Variants in VWA8 observed in about 807,000 individuals in gnomAD.
VWA8 encodes von Willebrand factor A domain containing 8.
In VWA8, 221 loss-of-function variants were observed where a neutral mutation model predicts 241.5. The observed-to-expected ratio is 0.91, with a 90% CI of 0.82 to 1.02. The LOEUF (loss-of-function observed/expected upper bound fraction) is 1.02. VWA8 is among the 50% of genes least tolerant of loss of function. The pLI is 0.00. For synonymous variants in VWA8, 852 were observed against 827.1 expected (o/e 1.03, Z -0.52); for missense variants, 2,322 against 2,328.7 (o/e 1.00, Z 0.06).
chr13:41,819,355 T>A lies in VWA8; in HGVS notation c.1732A>T (p.Ile578Phe). Residue 578 changes from isoleucine to phenylalanine, a missense_variant, in exon 15 of 45, where the codon ATC becomes TTC. Transcript: ENST00000379310. Reference sequence around the variant, plus strand: ...ACAGGGGGTTCTGCCAAGGCAATGATTCTGAAGGAGGGATGGATAGGAAAA... The same window carrying A: ...ACAGGGGGTTCTGCCAAGGCAATGAATCTGAAGGAGGGATGGATAGGAAAA... ...SIFPIHPSFR[I>F]IALAEPPVIG... 1 of 1,609,704 alleles carries A rather than the reference T, an allele frequency of 6.2e-7. No homozygotes were observed. The highest frequency in any genetic ancestry group is 1.3e-5 in the African/African-American group (1 of 74,762).
chr13:41,753,290 A>T (rs952976883), intron 21 of VWA8, among the ~76,000 whole-genome samples: 5 of 152,132 alleles, frequency 3.3e-5, no homozygotes, highest in Non-Finnish European at 7.4e-5. Context: ...TATGAAGGAT[A>T]GCAAATGAAA....
At chr13:41,844,605 C>T (rs1872202029) in intron 12 of VWA8, among the ~76,000 whole-genome samples, 1 of 152,146 alleles carries the variant, frequency 6.6e-6, no homozygotes, top group Admixed American at 6.6e-5. Context: ...CAGACTCCCT[C>T]AAAATGCTGC....
intron 17 of VWA8, among the ~76,000 whole-genome samples, chr13:41,791,114 GTTT>G (rs201603955): frequency 2.0e-5 from 3 of 149,844 alleles, no homozygotes; most frequent in Non-Finnish European, 3.0e-5. Flanking sequence ...TATAAAATGA[GTTT>G]TTTTTTTAAA....
intron 40 of VWA8, 93 bp downstream of exon 40, chr13:41,605,066 TCGGACTGGC>T: frequency 9.2e-7 from 1 of 1,086,528 alleles, no homozygotes; most frequent in Non-Finnish European, 1.3e-6. Flanking sequence ...AGACATTTTT[TCGGACTGGC>T]TAATTAGGGT....
rs1341780817 is a variant in VWA8, at chr13:41,912,252, TA to T, written c.242-85del. ...TCCAAGTAATGTGGACATATTTATA[TA>T]TATATATAACGTATATAAAATATGT... On this transcript the variant is annotated intron_variant, in intron 2 of 44. Transcript: ENST00000379310. The T allele has an allele frequency of 2.0e-5, 21 of 1,046,390 alleles. No individual in the cohort carries two copies. In the East Asian group the frequency reaches 5.6e-4, roughly 28 times the overall value. The allele number at this position is 1,046,390 out of a possible 1,614,324, so 64.8% of individuals were successfully genotyped here. A position where few individuals can be genotyped will look rare whatever the true frequency, so the allele number is the denominator to read the frequency against.
chr13:41,775,016 T>A (rs1437935767), intron 20 of VWA8, among the ~76,000 whole-genome samples: 1 of 152,120 alleles, frequency 6.6e-6, no homozygotes, highest in Non-Finnish European at 1.5e-5. Flanking sequence ...CTGGCAAAGA[T>A]TAGAGGTTGA....
intron 21 of VWA8, among the ~76,000 whole-genome samples, chr13:41,755,849 A>G (rs1394182016): frequency 6.6e-6 from 1 of 151,898 alleles, no homozygotes; most frequent in African/African-American, 2.4e-5. Context: ...TCAAAAATAT[A>G]TAGCTTCAAA....
rs1335593277 is a variant in VWA8 at position 41,841,614 on chromosome 13, G to A, written c.1426-8083C>T. On this transcript the variant is annotated intron_variant, in intron 12 of 44. Transcript: ENST00000379310. ...ATCCTGGCTAACACGGTGAAACCCC[G>A]TCTCTACTAAAAATACAAAAAATTA... Among the ~76,000 whole-genome samples the A allele has an allele frequency of 5.4e-5, 8 of 149,042 alleles. No homozygotes were observed. In the East Asian group the frequency reaches 9.8e-4, roughly 18 times the overall value.
At chr13:41,851,677 T>C (rs969989565) in intron 12 of VWA8, among the ~76,000 whole-genome samples, 2 of 152,176 alleles carry the variant, frequency 1.3e-5, no homozygotes, top group Admixed American at 6.5e-5. Flanking sequence ...TCCCTAGTCA[T>C]GTGGAACTAT....
intron 43 of VWA8, among the ~76,000 whole-genome samples, chr13:41,574,531 C>CAAAAT (rs1242643501): frequency 6.6e-6 from 1 of 152,152 alleles, no homozygotes; most frequent in African/African-American, 2.4e-5. Flanking sequence ...TAATTCCCAT[C>CAAAAT]AAAATACCAT....
chr13:41,574,539 C>T (rs2044338762), intron 43 of VWA8, among the ~76,000 whole-genome samples: 1 of 152,062 alleles, frequency 6.6e-6, no homozygotes, highest in Non-Finnish European at 1.5e-5. Flanking sequence ...ATCAAAATAC[C>T]ATCATTATTT....
intron 37 of VWA8, among the ~76,000 whole-genome samples, chr13:41,616,396 A>G (rs2044620166): frequency 6.6e-6 from 1 of 152,342 alleles, no homozygotes; most frequent in African/African-American, 2.4e-5. Flanking sequence ...AGACATGACA[A>G]TTGATATAAA....
intron 9 of VWA8, among the ~76,000 whole-genome samples, chr13:41,871,290 TTTTC>T (rs531427490): frequency 6.6e-6 from 1 of 152,270 alleles, no homozygotes; most frequent in African/African-American, 2.4e-5. Flanking sequence ...AGTATTAACA[TTTTC>T]TTTTTTATTT....
rs151120979 is a variant in VWA8, at chr13:41,806,578, C to T, written c.2063+4647G>A. Among the ~76,000 whole-genome samples, 943 of 152,238 alleles carry T rather than the reference C, an allele frequency of 6.2e-3. 8 individuals carry two copies. Among genetic ancestry groups the T allele is most frequent in the African/African-American group, 0.022 (899 of 41,546 alleles). ...ATTAGCTGGGCATGGTGGCACGTGC[C>T]TGTAGTCCCAGCTGCTTGGGAGGCT... On this transcript the variant is annotated intron_variant, in intron 17 of 44. Coordinates refer to ENST00000379310, the MANE Select transcript of VWA8 (RefSeq NM_015058.2).
chr13:41,784,713 T>TAC (rs1869078412), intron 18 of VWA8, among the ~76,000 whole-genome samples: 1 of 70,702 alleles, frequency 1.4e-5, no homozygotes, highest in African/African-American at 4.3e-5. Flanking sequence ...TATATATATA[T>TAC]ATATATATAT....
chr13:41,920,864 G>C (rs1876493098), intron 2 of VWA8, among the ~76,000 whole-genome samples: 1 of 152,190 alleles, frequency 6.6e-6, no homozygotes. Flanking sequence ...GTACAAAGAG[G>C]AGTTGATACC....
At chr13:41,584,857 T>C (rs1483839531) in intron 42 of VWA8, among the ~76,000 whole-genome samples, 2 of 152,190 alleles carry the variant, frequency 1.3e-5, no homozygotes, top group African/African-American at 2.4e-5. Flanking sequence ...AAATACTGTT[T>C]TAGGGATGAT....
chr13:41,569,874 A>G (rs2044288807), intron 44 of VWA8, among the ~76,000 whole-genome samples: 2 of 152,154 alleles, frequency 1.3e-5, no homozygotes, highest in Non-Finnish European at 2.9e-5. Flanking sequence ...TCAGTGTAGT[A>G]TCTAACTATA....
At chr13:41,655,117 G>A (rs940622600) in intron 37 of VWA8, among the ~76,000 whole-genome samples, 1 of 149,216 alleles carries the variant, frequency 6.7e-6, no homozygotes, top group Non-Finnish European at 1.5e-5. Flanking sequence ...TTGAGACAGA[G>A]TCTCGCTCGT....
Sources: gnomAD v4.1 joint callset for allele counts (sites outside exome capture counted in the v4.1 genomes callset) on GRCh38, gnomAD v4.1.1 for gene constraint, MANE v1.5 for transcripts, NCBI Gene and HGNC (gene_info 2026-07-23, HGNC 2026-07-21) for gene names.